Variants in EXT2 observed in about 807,000 individuals in gnomAD.
The protein encoded by EXT2 is exostosin-2.
A neutral mutation model predicts 81.6 loss-of-function variants in EXT2; 53 were observed. The ratio of observed to expected loss-of-function variants is 0.65; its 90% CI spans 0.52 to 0.82. The LOEUF is 0.82. Ranked by LOEUF, EXT2 falls within the 40% of genes least tolerant of loss-of-function variation. The pLI, the probability that EXT2 is intolerant of heterozygous loss-of-function variation, is 0.00. For synonymous variants in EXT2, 320 were observed against 340.0 expected, an observed-to-expected ratio of 0.94 and a Z score of 0.65; for missense variants, 774 against 910.2, an observed-to-expected ratio of 0.85 and a Z score of 1.93.
intron 4 of EXT2, among the ~76,000 whole-genome samples, chr11:44,119,899 C>T (rs930726245): frequency 6.6e-6 from 1 of 152,218 alleles, no homozygotes; most frequent in African/African-American, 2.4e-5. Context: ...TGCTCAGCTG[C>T]TGTGGGCCTC....
At chr11:44,215,865 A>ATTT (rs34411687) in intron 10 of EXT2, among the ~76,000 whole-genome samples, 10 of 127,830 alleles carry the variant, frequency 7.8e-5, no homozygotes, top group African/African-American at 8.7e-5. Flanking sequence ...CCATTTGGGA[A>ATTT]TTTTTTTTTT....
rs201894952 is a variant in EXT2, at chr11:44,097,773, T to A, written c.-31+1921T>A. 8.0e-4 allele frequency among the ~76,000 whole-genome samples: 46 copies of A among 57,442 alleles called. 2 individuals carry two copies. Among genetic ancestry groups the A allele is most frequent in the East Asian group, 5.5e-3 (6 of 1,100 alleles). The allele number at this position is 57,442 out of a possible 152,430, so 37.7% of individuals were successfully genotyped here. On this transcript the variant is annotated intron_variant, in intron 1 of 13. Transcript: ENST00000533608. ...GACTCCATCTCAAAAAATAAATAAA[T>A]AAATAAATAAATAAATAAATAAATA...
intron 8 of EXT2, among the ~76,000 whole-genome samples, chr11:44,192,417 G>A (rs1012765794): frequency 6.6e-6 from 1 of 152,118 alleles, no homozygotes; most frequent in Admixed American, 6.5e-5. Flanking sequence ...AGGAAGGAAA[G>A]TGTTCATCTT....
rs542476974 is a variant in EXT2, at chr11:44,234,326, A to G, written c.1935+83A>G. 6.7e-6 allele frequency: 9 copies of G among 1,342,858 alleles called. No individual in the cohort carries two copies. The Admixed American group carries it at 7.8e-5, about 12-fold the overall frequency. The allele number at this position is 1,342,858 out of a possible 1,614,324, so 83.2% of individuals were successfully genotyped here. On this transcript the variant is annotated intron_variant, in intron 12 of 13. Coordinates refer to ENST00000533608, the MANE Select transcript of EXT2 (RefSeq NM_207122.2). ...GCCTAGGAAGTTCTTGTAACTATAA[A>G]TTAAATATAGGACTAGATAAACTTT...
chr11:44,144,210 A>G, intron 7 of EXT2: 1 of 1,542,708 alleles, frequency 6.5e-7, no homozygotes, highest in Non-Finnish European at 8.9e-7. Flanking sequence ...ATTTTTGATG[A>G]CACATCTTGA....
intron 7 of EXT2, among the ~76,000 whole-genome samples, chr11:44,166,200 T>C (rs1954991635): frequency 6.6e-6 from 1 of 152,172 alleles, no homozygotes; most frequent in African/African-American, 2.4e-5. Context: ...AACTAATGTG[T>C]ATGGCAAAGG....
At chr11:44,183,242 A>G (rs1347528144) in intron 8 of EXT2, among the ~76,000 whole-genome samples, 2 of 152,080 alleles carry the variant, frequency 1.3e-5, no homozygotes, top group African/African-American at 2.4e-5. Flanking sequence ...TCCTTTTATT[A>G]TGTGTCTTGT....
intron 8 of EXT2, 61 bp from the exon 9 acceptor site, chr11:44,197,755 GTTTGCTGACGATA>G: frequency 6.6e-7 from 1 of 1,518,020 alleles, no homozygotes; most frequent in South Asian, 1.1e-5. Context: ...CCATGTTTGG[GTTTGCTGACGATA>G]TTGGGTCAGC....
At chr11:44,152,859 T>C (rs964857423) in intron 7 of EXT2, among the ~76,000 whole-genome samples, 4 of 152,234 alleles carry the variant, frequency 2.6e-5, no homozygotes, top group African/African-American at 7.2e-5. Flanking sequence ...GGTCTGTGTC[T>C]GGGCTCTCTA....
Position 44,117,956 on chromosome 11 carries a change from A to G in EXT2, c.743+3655A>G, listed in dbSNP as rs182811218. Reference sequence around the variant, plus strand: ...TTTTATAGAGATGGGTTCTTGTGATACTGCCCAGGCTGTGTTCTTCTTTTT... The same window carrying G: ...TTTTATAGAGATGGGTTCTTGTGATGCTGCCCAGGCTGTGTTCTTCTTTTT... On this transcript the variant is annotated intron_variant, in intron 4 of 13. Transcript: ENST00000533608. Among the ~76,000 whole-genome samples, 96 of 152,278 alleles carry G rather than the reference A, an allele frequency of 6.3e-4. 1 individual carries two copies. The highest frequency in any genetic ancestry group is 2.0e-3 in the African/African-American group (85 of 41,566).
intron 8 of EXT2, among the ~76,000 whole-genome samples, chr11:44,182,002 G>A (rs1955242578): frequency 6.6e-6 from 1 of 152,142 alleles, no homozygotes; most frequent in Non-Finnish European, 1.5e-5. Flanking sequence ...CTCTTGGACT[G>A]GCTCATTGAT....
chr11:44,248,089 C>T lies in EXT2; in HGVS notation c.*3802C>T, dbSNP rs1037971774. On this transcript the variant is annotated 3_prime_UTR_variant, in exon 14 of 14. Coordinates refer to ENST00000533608, the MANE Select transcript of EXT2 (RefSeq NM_207122.2). Reference sequence around the variant, plus strand: ...TTGGGTGTTGGAGACTTCCCATCAGCCACCCATCATGAGCCTGGTGTGTTT... The same window carrying T: ...TTGGGTGTTGGAGACTTCCCATCAGTCACCCATCATGAGCCTGGTGTGTTT... Among the ~76,000 whole-genome samples the T allele has an allele frequency of 2.0e-5, 3 of 152,170 alleles. No homozygotes were observed. Among genetic ancestry groups the T allele is most frequent in the Non-Finnish European group, 4.4e-5 (3 of 68,022 alleles).
intron 9 of EXT2, among the ~76,000 whole-genome samples, chr11:44,204,389 G>A (rs1322736974): frequency 6.6e-6 from 1 of 152,182 alleles, no homozygotes; most frequent in Non-Finnish European, 1.5e-5. Context: ...GTTTGTGTGT[G>A]TGTGTGTGTA....
intron 10 of EXT2, among the ~76,000 whole-genome samples, chr11:44,214,076 G>A (rs1955684693): frequency 6.6e-6 from 1 of 152,044 alleles, no homozygotes; most frequent in African/African-American, 2.4e-5. Flanking sequence ...TCTGTTGCTT[G>A]ATCTCCAGAC....
At chr11:44,138,187 C>T (rs1251661754) in intron 7 of EXT2, among the ~76,000 whole-genome samples, 3 of 152,028 alleles carry the variant, frequency 2.0e-5, no homozygotes, top group Non-Finnish European at 4.4e-5. Flanking sequence ...CAACAGAGAA[C>T]TTGGTTGAGA....
At chr11:44,234,410 T>C (rs1449336253) in intron 12 of EXT2, among the ~76,000 whole-genome samples, 167 bp downstream of exon 12, 1 of 152,226 alleles carries the variant, frequency 6.6e-6, no homozygotes, top group East Asian at 1.9e-4. Flanking sequence ...AAATTGAAGC[T>C]AGGCTTTGAC....
chr11:44,173,314 A>C (rs1236511178), intron 8 of EXT2, among the ~76,000 whole-genome samples: 1 of 152,146 alleles, frequency 6.6e-6, no homozygotes, highest in Non-Finnish European at 1.5e-5. Context: ...TCCATTACCA[A>C]AGGTAACATC....
intron 10 of EXT2, among the ~76,000 whole-genome samples, chr11:44,226,283 G>A (rs912781365): frequency 2.1e-4 from 32 of 152,282 alleles, no homozygotes; most frequent in African/African-American, 7.5e-4. Context: ...CTCCTGCCTG[G>A]GGTTGGGAAG....
intron 10 of EXT2, among the ~76,000 whole-genome samples, chr11:44,211,644 A>G (rs1337993067): frequency 6.6e-6 from 1 of 152,218 alleles, no homozygotes; most frequent in Non-Finnish European, 1.5e-5. Flanking sequence ...AAGGGGAAAT[A>G]TTGGTCAAAA....
Sources: gnomAD v4.1 joint callset for allele counts (sites outside exome capture counted in the v4.1 genomes callset) on GRCh38, gnomAD v4.1.1 for gene constraint, MANE v1.5 for transcripts, NCBI Gene and HGNC (gene_info 2026-07-23, HGNC 2026-07-21) for gene names.